Variants in FDFT1 observed in about 807,000 individuals in gnomAD.
FDFT1 encodes farnesyl-diphosphate farnesyltransferase 1, also known as squalene synthase.
FDFT1 carries 68 observed loss-of-function variants against 46.8 expected under a neutral mutation model. That is an observed-to-expected ratio of 1.45 (90% CI 1.19 to 1.78). The LOEUF (loss-of-function observed/expected upper bound fraction) is 1.78, where lower values mean the gene tolerates loss of function less well. FDFT1 is among the 40% of genes most tolerant of loss of function. FDFT1 has a pLI of 0.00. For missense variants in FDFT1, 928 were observed against 524.4 expected (o/e 1.77, Z -7.52); for synonymous variants, 351 against 185.1 (o/e 1.90, Z -7.28).
chr8:11,823,690 C>A (rs148148092), intron 4 of FDFT1, among the ~76,000 whole-genome samples: 1 of 152,168 alleles, frequency 6.6e-6, no homozygotes, highest in African/African-American at 2.4e-5. Flanking sequence ...TGCCCTCAGC[C>A]TCCTGAGTAA....
intron 5 of FDFT1, among the ~76,000 whole-genome samples, chr8:11,828,261 A>G (rs907434667): frequency 1.3e-5 from 2 of 152,158 alleles, no homozygotes; most frequent in African/African-American, 4.8e-5. Context: ...GCATTCTAGC[A>G]GCCTGGGAGA....
At chr8:11,818,316 G>A (rs1354455717) in intron 3 of FDFT1, among the ~76,000 whole-genome samples, 1 of 152,182 alleles carries the variant, frequency 6.6e-6, no homozygotes, top group Non-Finnish European at 1.5e-5. Flanking sequence ...GCGATGTGGT[G>A]CTGAGAAGAA....
chr8:11,799,363 A>G (rs755667138), upstream of FDFT1, among the ~76,000 whole-genome samples: 1 of 152,218 alleles, frequency 6.6e-6, no homozygotes, highest in Non-Finnish European at 1.5e-5. Context: ...TGCTTATCTC[A>G]AGGCCAGCGT....
Position 11,831,664 on chromosome 8 carries a change from G to A in FDFT1, c.1026G>A (p.Met342Ile). 3 of 1,612,566 alleles carry A rather than the reference G, an allele frequency of 1.9e-6. No individual in the cohort carries two copies. Among genetic ancestry groups the A allele is most frequent in the Non-Finnish European group, 2.5e-6 (3 of 1,178,826 alleles). Residue 342 changes from methionine to isoleucine, a missense_variant, in exon 7 of 8, where the codon ATG becomes ATA. Coordinates refer to ENST00000220584, the MANE Select transcript of FDFT1 (RefSeq NM_004462.5). ...PAVKAIIYQY[M>I]EEIYHRIPDS... ...TCAAAGCCATCATATATCAGTATAT[G>A]GAAGAGGTGGGTTTTTATTTAACTA...
upstream of FDFT1, among the ~76,000 whole-genome samples, chr8:11,798,731 C>T (rs752536431): frequency 2.6e-5 from 4 of 152,176 alleles, no homozygotes; most frequent in Admixed American, 1.3e-4. Flanking sequence ...TCAATAAATA[C>T]TCATTGAGCA....
intron 3 of FDFT1, chr8:11,810,119 C>G: frequency 7.6e-6 from 3 of 397,292 alleles, no homozygotes; most frequent in Non-Finnish European, 1.4e-5. Flanking sequence ...AATAATAACA[C>G]CTACCTCATG....
intron 3 of FDFT1, among the ~76,000 whole-genome samples, chr8:11,812,495 TG>T (rs1807868391): frequency 6.6e-6 from 1 of 152,250 alleles, no homozygotes; most frequent in Admixed American, 6.5e-5. Context: ...GCCTGGGATA[TG>T]GGGATCAGCT....
At chr8:11,831,441 G>A (rs1810772111) in intron 6 of FDFT1, 77 bp from the exon 7 acceptor site, 1 of 1,385,850 alleles carries the variant, frequency 7.2e-7, no homozygotes, top group South Asian at 1.2e-5. Context: ...TCAACAGAAG[G>A]TTTTCTTACC....
At chr8:11,829,824 A>G (rs897222370) in intron 5 of FDFT1, among the ~76,000 whole-genome samples, 28 of 150,432 alleles carry the variant, frequency 1.9e-4, no homozygotes, top group Admixed American at 7.2e-4. Context: ...ACTTTACTGT[A>G]TATCATAGTG....
chr8:11,832,505 T>C (rs1267359696), intron 7 of FDFT1, among the ~76,000 whole-genome samples: 2 of 139,584 alleles, frequency 1.4e-5, no homozygotes, highest in African/African-American at 5.3e-5. Flanking sequence ...AGCTGTGTGA[T>C]TTCATCATTG....
chr8:11,815,560 A>G (rs1808331589), intron 3 of FDFT1, among the ~76,000 whole-genome samples: 1 of 152,174 alleles, frequency 6.6e-6, no homozygotes, highest in African/African-American at 2.4e-5. Context: ...AATGATCGCC[A>G]TTGTAACTGG....
chr8:11,809,258 A>T (rs975775694), intron 2 of FDFT1: 7 of 1,146,134 alleles, frequency 6.1e-6, no homozygotes, highest in Non-Finnish European at 6.5e-6. Flanking sequence ...GCCTCTGTGC[A>T]CATTACACCC....
chr8:11,821,867 G>A lies in FDFT1; in HGVS notation c.499G>A (p.Glu167Lys). Residue 167 changes from glutamate to lysine, a missense_variant, in exon 4 of 8, where the codon GAG (glutamate) becomes AAG (lysine). Coordinates refer to ENST00000220584, the MANE Select transcript of FDFT1 (RefSeq NM_004462.5). ...GGATAAGCATGTGACCTCTGAACAG[G>A]AGTGGGACAAGGTTAGTCTCATAAA... The part of the protein sequence containing the change: ...FLDKHVTSEQ[E>K]WDKYCHYVAG... The A allele has an allele frequency of 6.2e-7, 1 of 1,613,130 alleles. No homozygotes were observed. The highest frequency in any genetic ancestry group is 8.5e-7 in the Non-Finnish European group (1 of 1,179,314).
At chr8:11,821,695 G>C (rs1198048222) in intron 3 of FDFT1, 55 bp from the exon 4 acceptor site, 1 of 1,593,240 alleles carries the variant, frequency 6.3e-7, no homozygotes, top group Non-Finnish European at 8.6e-7. Context: ...GTGATCTTTG[G>C]TGCCATGTCT....
intron 3 of FDFT1, among the ~76,000 whole-genome samples, chr8:11,814,097 C>G (rs191552993): frequency 1.6e-4 from 24 of 152,330 alleles, no homozygotes; most frequent in Admixed American, 9.8e-4. Flanking sequence ...GACCTTTCCT[C>G]TCTAATAAAT....
At chr8:11,796,074 G>C (rs527778527) in intron 1 of FDFT1, 1 of 152,082 alleles carries the variant, frequency 6.6e-6, no homozygotes. Context: ...GAAAAACGGG[G>C]GATTTAACAT....
At chr8:11,797,398 T>C (rs1805667095), upstream of FDFT1, among the ~76,000 whole-genome samples, 1 of 152,168 alleles carries the variant, frequency 6.6e-6, no homozygotes, top group Non-Finnish European at 1.5e-5. Context: ...AATAGCACCA[T>C]CACATAACAT....
chr8:11,814,355 G>A (rs1303532562), intron 3 of FDFT1, among the ~76,000 whole-genome samples: 1 of 146,920 alleles, frequency 6.8e-6, no homozygotes, highest in Non-Finnish European at 1.5e-5. Flanking sequence ...ATGTTAATCA[G>A]AAATCCTAAA....
At chr8:11,820,325 G>A (rs953967191) in intron 3 of FDFT1, among the ~76,000 whole-genome samples, 6 of 152,204 alleles carry the variant, frequency 3.9e-5, no homozygotes, top group African/African-American at 7.2e-5. Context: ...TGAGGAGGCA[G>A]TCTGTCCGTT....
Sources: allele counts gnomAD v4.1 joint callset (sites outside exome capture counted in the v4.1 genomes callset), GRCh38; gene constraint gnomAD v4.1.1; transcripts MANE v1.5; gene names NCBI Gene and HGNC (gene_info 2026-07-23, HGNC 2026-07-21).